Variants in GRAMD2B observed in about 807,000 individuals in gnomAD.
GRAMD2B encodes GRAM domain-containing protein 2B.
A neutral mutation model predicts 59.2 loss-of-function variants in GRAMD2B; 41 were observed. The ratio of observed to expected loss-of-function variants is 0.69; its 90% CI spans 0.54 to 0.90. The LOEUF is 0.90. Ranked by LOEUF, GRAMD2B falls within the 40% of genes least tolerant of loss-of-function variation. The pLI is 0.00. For synonymous variants in GRAMD2B, 161 were observed against 182.7 expected (o/e 0.88, Z 0.96); for missense variants, 424 against 500.5 (o/e 0.85, Z 1.46).
chr5:126,468,687 T>C (rs1260935124), intron 2 of GRAMD2B, among the ~76,000 whole-genome samples: 1 of 151,932 alleles, frequency 6.6e-6, no homozygotes, highest in Non-Finnish European at 1.5e-5. Flanking sequence ...GGGATTTCGC[T>C]ATGTTGGCCA....
chr5:126,470,759 G>A (rs753654318), intron 3 of GRAMD2B, among the ~76,000 whole-genome samples: 2 of 151,936 alleles, frequency 1.3e-5, no homozygotes, highest in South Asian at 2.1e-4. Context: ...GGGTGTTGCC[G>A]TGTTAGCCAG....
chr5:126,431,001 A>G (rs1261930583), intron 1 of GRAMD2B, among the ~76,000 whole-genome samples: 1 of 152,226 alleles, frequency 6.6e-6, no homozygotes, highest in Non-Finnish European at 1.5e-5. Flanking sequence ...AAAGAAATAC[A>G]TGTATAAAGT....
chr5:126,360,608 T>C, intron 1 of GRAMD2B: 1 of 746,584 alleles, frequency 1.3e-6, no homozygotes, highest in Non-Finnish European at 2.1e-6. Context: ...TCCTTGTTTA[T>C]CATCAGGGTC....
chr5:126,431,440 A>C (rs1406550118), intron 1 of GRAMD2B, among the ~76,000 whole-genome samples: 1 of 152,242 alleles, frequency 6.6e-6, no homozygotes, highest in Non-Finnish European at 1.5e-5. Context: ...TATGGTGATG[A>C]CCTTAGCAAG....
chr5:126,458,066 A>G (rs1454066169), intron 1 of GRAMD2B, among the ~76,000 whole-genome samples: 2 of 152,146 alleles, frequency 1.3e-5, no homozygotes, highest in Admixed American at 6.5e-5. Context: ...TTGTTGGTTC[A>G]TCTTGGTCTT....
intron 6 of GRAMD2B, 58 bp from the exon 7 acceptor site, chr5:126,480,398 C>A (rs892420639): frequency 1.5e-5 from 19 of 1,279,610 alleles, no homozygotes; most frequent in Non-Finnish European, 1.9e-5. Context: ...TCTGAACTCT[C>A]AACTCTCACT....
At chr5:126,437,087 A>T (rs1331856479) in intron 1 of GRAMD2B, among the ~76,000 whole-genome samples, 1 of 152,224 alleles carries the variant, frequency 6.6e-6, no homozygotes, top group African/African-American at 2.4e-5. Flanking sequence ...TCTATAAGGC[A>T]CAGGGGCCAC....
At chr5:126,441,004 G>A (rs1763190548) in intron 1 of GRAMD2B, among the ~76,000 whole-genome samples, 2 of 151,840 alleles carry the variant, frequency 1.3e-5, no homozygotes, top group African/African-American at 4.8e-5. Context: ...CTGGAAAAAT[G>A]TTCCCTAAAA....
At chr5:126,474,856 A>T (rs1770282360) in intron 5 of GRAMD2B, among the ~76,000 whole-genome samples, 2 of 152,200 alleles carry the variant, frequency 1.3e-5, no homozygotes, top group Admixed American at 1.3e-4. Context: ...ACAACGTGTA[A>T]CCTACAGAAG....
chr5:126,419,980 A>G (rs536323116), upstream of GRAMD2B, among the ~76,000 whole-genome samples: 1 of 145,944 alleles, frequency 6.9e-6, no homozygotes. Flanking sequence ...GCTTGAACCC[A>G]GGAGGCAGAG....
In GRAMD2B at chr5:126,483,614, C is replaced by T. The variant is rs780035401; in HGVS notation, c.847+40C>T. The T allele has an allele frequency of 1.2e-5, 14 of 1,131,070 alleles. No individual in the cohort carries two copies. In the South Asian group the frequency reaches 1.5e-4, roughly 12 times the overall value. 70.1% of individuals were successfully genotyped at this position (1,131,070 alleles called of 1,614,324 possible). Reference sequence around the variant, plus strand: ...TGTATTTTGACTAAAATTTAATTCCCCTCAAAACATCCTCACCCCACCCCC... The same window carrying T: ...TGTATTTTGACTAAAATTTAATTCCTCTCAAAACATCCTCACCCCACCCCC... On this transcript the variant is annotated intron_variant, in intron 9 of 13. Coordinates refer to ENST00000285689, the MANE Select transcript of GRAMD2B (RefSeq NM_023927.4).
At chr5:126,406,399 T>C (rs187472373) in intron 1 of GRAMD2B, among the ~76,000 whole-genome samples, 5 of 151,920 alleles carry the variant, frequency 3.3e-5, no homozygotes, top group African/African-American at 4.8e-5. Flanking sequence ...AACTTATATA[T>C]ATTAAAATGC....
intron 11 of GRAMD2B, 55 bp downstream of exon 11, chr5:126,485,828 G>A: frequency 9.2e-7 from 1 of 1,092,092 alleles, no homozygotes; most frequent in Non-Finnish European, 1.4e-6. Context: ...TTCGCTAAAG[G>A]AATAATCTCT....
intron 6 of GRAMD2B, chr5:126,480,018 G>C (rs1289440019): frequency 1.3e-5 from 2 of 154,040 alleles, no homozygotes; most frequent in Non-Finnish European, 2.9e-5. Context: ...GAAGTTTTCA[G>C]TGGAAATCTA....
chr5:126,375,031 CA>C (rs1302758391), intron 1 of GRAMD2B, among the ~76,000 whole-genome samples: 1 of 152,046 alleles, frequency 6.6e-6, no homozygotes, highest in African/African-American at 2.4e-5. Flanking sequence ...TTAAATATAC[CA>C]ATTCATAAAC....
chr5:126,421,707 T>C (rs1238378165), upstream of GRAMD2B, among the ~76,000 whole-genome samples: 2 of 152,164 alleles, frequency 1.3e-5, no homozygotes, highest in African/African-American at 4.8e-5. Flanking sequence ...CTCAGCCTAA[T>C]GATATATATG....
intron 1 of GRAMD2B, among the ~76,000 whole-genome samples, chr5:126,455,401 G>A (rs1766096888): frequency 6.6e-6 from 1 of 152,018 alleles, no homozygotes; most frequent in Admixed American, 6.6e-5. Flanking sequence ...CTTAATTTCT[G>A]CTTCTTCCTG....
chr5:126,458,564 A>G (rs1207586187), intron 1 of GRAMD2B, among the ~76,000 whole-genome samples: 2 of 152,180 alleles, frequency 1.3e-5, no homozygotes, highest in East Asian at 3.8e-4. Flanking sequence ...ACCATATTCA[A>G]AATGGAAGGA....
At chr5:126,474,740 T>C (rs1328553062) in intron 5 of GRAMD2B, among the ~76,000 whole-genome samples, 5 of 152,212 alleles carry the variant, frequency 3.3e-5, no homozygotes, top group Non-Finnish European at 7.3e-5. Flanking sequence ...CTAATCTGAC[T>C]CTAGCAATGG....
Sources: allele counts gnomAD v4.1 joint callset (sites outside exome capture counted in the v4.1 genomes callset), GRCh38; gene constraint gnomAD v4.1.1; transcripts MANE v1.5; gene names NCBI Gene and HGNC (gene_info 2026-07-23, HGNC 2026-07-21).